Variants in GATM observed in about 807,000 individuals in gnomAD.
The protein encoded by GATM is glycine amidinotransferase.
Under a neutral mutation model 54.2 loss-of-function variants are expected in GATM, and 23 were observed. The ratio of observed to expected loss-of-function variants is 0.42; its 90% CI spans 0.31 to 0.60. The LOEUF (loss-of-function observed/expected upper bound fraction) is 0.60. GATM is among the 20% of genes least tolerant of loss of function. GATM has a pLI of 0.14. For missense variants in GATM, 401 were observed against 544.9 expected (o/e 0.74, Z 2.63); for synonymous variants, 168 against 183.1 (o/e 0.92, Z 0.67).
chr15:45,401,449 A>G (rs561128415), intron 1 of GATM, among the ~76,000 whole-genome samples: 3 of 152,292 alleles, frequency 2.0e-5, no homozygotes, highest in South Asian at 4.1e-4. Context: ...AAAACAAGGT[A>G]TATCTTCTTG....
intron 3 of GATM, among the ~76,000 whole-genome samples, chr15:45,388,700 G>C (rs748885668): frequency 1.5e-4 from 23 of 152,190 alleles, no homozygotes; most frequent in Non-Finnish European, 2.9e-4. Context: ...ATACTACCGA[G>C]ATGATGTGCC....
chr15:45,371,034 A>G (rs1228540955), intron 2 of GATM, among the ~76,000 whole-genome samples: 1 of 152,206 alleles, frequency 6.6e-6, no homozygotes, highest in Non-Finnish European at 1.5e-5. Context: ...CGGCCCCCCA[A>G]AGGGCTGGGA....
rs746171603 is a variant in GATM at position 45,387,459 on chromosome 15, T to TA, written c.-319+9462dup. On this transcript the variant is annotated intron_variant, in intron 3 of 4. Coordinates refer to the GATM transcript ENST00000561148. ...CATGGTATTCCTGTTTTTTTTTTTT[T>TA]ATGTCCAAACCTTCTGTAACATCTC... 1.8e-4 allele frequency among the ~76,000 whole-genome samples: 27 copies of TA among 152,236 alleles called. No individual in the cohort carries two copies. The South Asian group carries it at 4.8e-3, about 27-fold the overall frequency.
chr15:45,379,997 G>A (rs113337440), upstream of GATM: 14,843 of 151,330 alleles, frequency 0.098, 825 homozygotes, highest in Middle Eastern at 0.25. Context: ...GGTGGCGGGC[G>A]CCTGTAGTCC....
At chr15:45,393,430 AT>A (rs1889892651) in intron 3 of GATM, among the ~76,000 whole-genome samples, 1 of 149,082 alleles carries the variant, frequency 6.7e-6, no homozygotes, top group African/African-American at 2.5e-5. Flanking sequence ...AAAAAAAAAA[AT>A]AGTTCCAACC....
At chr15:45,378,929 T>C (rs1052032241), upstream of GATM, 1 of 152,562 alleles carries the variant, frequency 6.6e-6, no homozygotes, top group African/African-American at 2.4e-5. Flanking sequence ...ATATGCGCAC[T>C]GAACCAGTCA....
intron 7 of GATM, 53 bp downstream of exon 7, chr15:45,364,744 C>T: frequency 1.3e-6 from 2 of 1,508,828 alleles, no homozygotes; most frequent in South Asian, 2.3e-5. Flanking sequence ...GAGAAAGATC[C>T]TTGGTCACTA....
Position 45,375,315 on chromosome 15 carries a change from C to T in GATM, c.288+1286G>A, listed in dbSNP as rs183902484. ...CGATCTCCTGACCTCGTGATCCACC[C>T]GCCTCAGCCTCCCAAAGTGTTGGGA... On this transcript the variant is annotated intron_variant, in intron 2 of 8. Coordinates refer to ENST00000396659, the MANE Select transcript of GATM (RefSeq NM_001482.3). Among the ~76,000 whole-genome samples, 632 of 152,164 alleles carry T rather than the reference C, an allele frequency of 4.2e-3. 4 individuals carry two copies. Among genetic ancestry groups the T allele is most frequent in the Non-Finnish European group, 6.8e-3 (465 of 68,000 alleles).
chr15:45,385,458 A>G (rs1051843718), intron 3 of GATM, among the ~76,000 whole-genome samples: 6 of 152,252 alleles, frequency 3.9e-5, no homozygotes, highest in African/African-American at 1.4e-4. Context: ...TTAGATGAAT[A>G]AATACATTTT....
intron 6 of GATM, among the ~76,000 whole-genome samples, chr15:45,365,754 C>A (rs561441799): frequency 6.6e-6 from 1 of 152,306 alleles, no homozygotes; most frequent in South Asian, 2.1e-4. Flanking sequence ...AGTTATAACA[C>A]CATCGTTTGA....
chr15:45,396,869 C>CAAAGAAA (rs1889939599), intron 3 of GATM: 1 of 66,456 alleles, frequency 1.5e-5, no homozygotes, highest in African/African-American at 5.5e-5. Flanking sequence ...GACTCCGTCT[C>CAAAGAAA]AAAAAAAAAA....
rs527630188 is a variant in GATM, at chr15:45,375,915, C to T, written c.288+686G>A. ...TGGTGAGAAGAGTGAGTAGGAGTGA[C>T]CAGTTAGGAGTTAACTGCAATAGTC... On this transcript the variant is annotated intron_variant, in intron 2 of 8. Transcript: ENST00000396659. 2.6e-5 allele frequency among the ~76,000 whole-genome samples: 4 copies of T among 152,264 alleles called. No homozygotes were observed. In the South Asian group the frequency reaches 8.3e-4, roughly 32 times the overall value.
At chr15:45,367,087 T>C (rs539661882) in intron 4 of GATM, among the ~76,000 whole-genome samples, 50 of 152,244 alleles carry the variant, frequency 3.3e-4, no homozygotes, top group African/African-American at 1.2e-3. Flanking sequence ...ATGCCTGTAA[T>C]CCCAGCACTT....
In GATM at chr15:45,398,891, TATATA is replaced by T. The variant is rs574056540; in HGVS notation, c.-480+650_-480+654del. Among the ~76,000 whole-genome samples, 472 of 152,274 alleles carry T rather than the reference TATATA, an allele frequency of 3.1e-3. 2 individuals are homozygous for T. Among genetic ancestry groups the T allele is most frequent in the African/African-American group, 0.011 (450 of 41,544 alleles). Reference sequence around the variant, plus strand: ...ATACAGGAATATATTTTTATATACATATATAATATGCTGAAGGGACAAAAATATTG... The same window carrying T: ...ATACAGGAATATATTTTTATATACATATATGCTGAAGGGACAAAAATATTG... On this transcript the variant is annotated intron_variant, in intron 2 of 4. Transcript: ENST00000561148.
chr15:45,389,849 TTTTTTC>T (rs554061572), intron 3 of GATM, among the ~76,000 whole-genome samples: 158 of 152,110 alleles, frequency 1.0e-3, no homozygotes, highest in African/African-American at 2.9e-3. Flanking sequence ...TCTTTTTTTC[TTTTTTC>T]TTTTTCTTTT....
At chr15:45,373,517 C>A (rs76021508) in intron 2 of GATM, among the ~76,000 whole-genome samples, 3 of 149,322 alleles carry the variant, frequency 2.0e-5, no homozygotes, top group Non-Finnish European at 4.5e-5. Context: ...AAATATATAT[C>A]TATATATATA....
chr15:45,395,901 A>G (rs1889923238), intron 3 of GATM, among the ~76,000 whole-genome samples: 1 of 152,196 alleles, frequency 6.6e-6, no homozygotes, highest in Non-Finnish European at 1.5e-5. Context: ...CATTTTACCA[A>G]TCCAGCCTTG....
chr15:45,368,259 A>G lies in GATM; in HGVS notation c.486T>C (p.Gly162=), dbSNP rs557365112. Residue 162 remains glycine (G), a splice_region_variant and synonymous_variant, in exon 4 of 9, where the codon GGT becomes GGC. Transcript: ENST00000396659. The surrounding 1 kb of genome is among the most constrained non-coding windows in gnomAD (Gnocchi z 5.1). The part of the protein sequence containing the change: ...KYKTPDFEST[G]LYSAMPRDIL... ...TGTCTCGAGGCATTGCACTGTATAA[A>G]CCTGTCAGACCAAAAAATTCCATGA... 6.2e-7 allele frequency: 1 copy of G among 1,613,490 alleles called. No homozygotes were observed. Among genetic ancestry groups the G allele is most frequent in the South Asian group, 1.1e-5 (1 of 91,032 alleles).
chr15:45,363,282 AC>A, intron 8 of GATM, among the ~76,000 whole-genome samples: 1 of 152,062 alleles, frequency 6.6e-6, no homozygotes, highest in Non-Finnish European at 1.5e-5. Context: ...ACACACACAC[AC>A]CCCTTTATAA....
Sources: allele counts gnomAD v4.1 joint callset (sites outside exome capture counted in the v4.1 genomes callset), GRCh38; gene constraint gnomAD v4.1.1; non-coding constraint Gnocchi (gnomAD v3.1); transcripts MANE v1.5; gene names NCBI Gene and HGNC (gene_info 2026-07-23, HGNC 2026-07-21).